Variants in CLUL1 observed in about 807,000 individuals in gnomAD.
CLUL1 encodes the protein clusterin-like protein 1.
A neutral mutation model predicts 49.4 loss-of-function variants in CLUL1; 43 were observed. The observed-to-expected ratio is 0.87, with a 90% CI of 0.68 to 1.12. The LOEUF (loss-of-function observed/expected upper bound fraction) is 1.12. Among genes scored for constraint, CLUL1 ranks in the 50% most tolerant of loss-of-function variants. The pLI is 0.00. For missense variants in CLUL1, 486 were observed against 544.4 expected (o/e 0.89, Z 1.07); for synonymous variants, 192 against 184.9 (o/e 1.04, Z -0.31).
intron 1 of CLUL1, among the ~76,000 whole-genome samples, chr18:605,593 G>T (rs929155777): frequency 2.0e-5 from 3 of 152,034 alleles, no homozygotes; most frequent in African/African-American, 4.8e-5. Flanking sequence ...AAAAGAAAAT[G>T]ATAAAGGATA....
At chr18:604,851 A>G (rs1311764743) in intron 1 of CLUL1, among the ~76,000 whole-genome samples, 1 of 152,200 alleles carries the variant, frequency 6.6e-6, no homozygotes, top group Non-Finnish European at 1.5e-5. Flanking sequence ...AAGGGCTTCT[A>G]TATAAAACCT....
chr18:649,135 A>G (rs954593826), intron 9 of CLUL1, among the ~76,000 whole-genome samples: 4 of 152,136 alleles, frequency 2.6e-5, no homozygotes, highest in Admixed American at 2.6e-4. Context: ...TTTTCTGATT[A>G]TATCAATGCA....
Position 619,171 on chromosome 18 carries a change from T to C in CLUL1, c.107-42T>C, listed in dbSNP as rs762857237. ...GGTTGGTGAACTTGGTGTTTTGTAATCTGATCAGATCTCAAAGAAAAAATT... is the reference window on the plus strand; with the variant it reads ...GGTTGGTGAACTTGGTGTTTTGTAACCTGATCAGATCTCAAAGAAAAAATT... On this transcript the variant is annotated intron_variant, in intron 3 of 9. Transcript: ENST00000692774. 6.3e-6 allele frequency: 10 copies of C among 1,591,064 alleles called. No homozygotes were observed. In the South Asian group the frequency reaches 1.1e-4, roughly 18 times the overall value.
chr18:635,080 G>A (rs1417588395), intron 7 of CLUL1, among the ~76,000 whole-genome samples: 1 of 152,166 alleles, frequency 6.6e-6, no homozygotes, highest in East Asian at 1.9e-4. Context: ...TTTGGGGCAA[G>A]TCATTTATGC....
intron 9 of CLUL1, among the ~76,000 whole-genome samples, chr18:646,744 T>TTTTC (rs1347150164): frequency 6.6e-6 from 1 of 151,516 alleles, no homozygotes; most frequent in South Asian, 2.1e-4. Context: ...TTCTTTCCTT[T>TTTTC]TTTCTTTCTT....
intron 9 of CLUL1, among the ~76,000 whole-genome samples, chr18:647,140 G>A (rs2074530637): frequency 6.6e-6 from 1 of 151,886 alleles, no homozygotes; most frequent in Non-Finnish European, 1.5e-5. Context: ...GGTTGGAGAG[G>A]AGACTGTTCC....
chr18:635,923 G>C (rs111493619), intron 7 of CLUL1, among the ~76,000 whole-genome samples: 16,561 of 152,066 alleles, frequency 0.11, 1,126 homozygotes, highest in African/African-American at 0.18. Flanking sequence ...TTTTAGTAGA[G>C]ATGGGGTTTC....
intron 9 of CLUL1, among the ~76,000 whole-genome samples, chr18:647,408 G>C (rs1243220934): frequency 6.6e-6 from 1 of 152,134 alleles, no homozygotes; most frequent in East Asian, 1.9e-4. Context: ...TAAAAGAAAT[G>C]GATGGATACC....
intron 7 of CLUL1, among the ~76,000 whole-genome samples, chr18:634,665 A>AT (rs1302695279): frequency 6.6e-6 from 1 of 152,046 alleles, no homozygotes; most frequent in South Asian, 2.1e-4. Flanking sequence ...CAAGTGAAAT[A>AT]TTTTTTTGAA....
intron 4 of CLUL1, among the ~76,000 whole-genome samples, chr18:620,000 G>A (rs554297863): frequency 5.3e-5 from 8 of 152,188 alleles, no homozygotes; most frequent in African/African-American, 1.7e-4. Context: ...ATGGACCACC[G>A]TGCCTGGCCC....
rs371155784 is a variant in CLUL1, at chr18:627,305, A to G, written c.632A>G (p.Gln211Arg). 28 of 1,613,978 alleles carry G rather than the reference A, an allele frequency of 1.7e-5. No homozygotes were observed. Among genetic ancestry groups the G allele is most frequent in the Non-Finnish European group, 2.4e-5 (28 of 1,180,010 alleles). Residue 211 changes from glutamine (Q) to arginine (R), a missense_variant, in exon 6 of 10, where the codon CAG becomes CGG. Physicochemically the swap from Gln to Arg is conservative, Grantham distance 43 (BLOSUM62 1). Coordinates refer to ENST00000692774, the MANE Select transcript of CLUL1 (RefSeq NM_001393344.1). ...AGACAGATGCAGCAAGAGTTTGACC[A>G]GACTTTTCAATCACATTTCATATCA... The part of the protein sequence containing the change: ...VFRQMQQEFD[Q>R]TFQSHFISDT...
chr18:627,655 A>T (rs2073849783), intron 6 of CLUL1, 126 bp downstream of exon 6: 3 of 660,688 alleles, frequency 4.5e-6, no homozygotes, highest in Non-Finnish European at 7.6e-6. Context: ...ATTTATGGAA[A>T]ATGTTTCAGA....
chr18:611,120 C>T (rs569736655), intron 2 of CLUL1, among the ~76,000 whole-genome samples: 1 of 152,214 alleles, frequency 6.6e-6, no homozygotes, highest in Admixed American at 6.5e-5. Flanking sequence ...CTCCCCTTCC[C>T]TCTGTGGCCC....
intron 2 of CLUL1, among the ~76,000 whole-genome samples, chr18:613,507 T>TG (rs1327936623): frequency 6.7e-6 from 1 of 148,792 alleles, no homozygotes; most frequent in African/African-American, 2.5e-5. Flanking sequence ...CAGGCTGGAG[T>TG]GCAGTGACGC....
intron 1 of CLUL1, among the ~76,000 whole-genome samples, chr18:605,522 G>A (rs2072946996): frequency 6.6e-6 from 1 of 152,088 alleles, no homozygotes; most frequent in East Asian, 1.9e-4. Context: ...CAGCTACTTG[G>A]GAAGTTAGGG....
intron 6 of CLUL1, among the ~76,000 whole-genome samples, chr18:629,746 T>G (rs1490900079): frequency 6.6e-6 from 1 of 152,234 alleles, no homozygotes; most frequent in Non-Finnish European, 1.5e-5. Flanking sequence ...TATTGTACTC[T>G]TCTTTCTCCA....
chr18:645,084 C>T lies in CLUL1; in HGVS notation c.1384C>T (p.His462Tyr). Residue 462 changes from histidine to tyrosine, a missense_variant, in exon 9 of 10, where the codon CAT becomes TAT. Coordinates refer to ENST00000692774, the MANE Select transcript of CLUL1 (RefSeq NM_001393344.1). ...AAAAGCTCTACAGCATTTTAAGGAA[C>T]ATTTTAAAACCTGGTAAGCAGAGTG... ...VAKALQHFKE[H>Y]FKTW 1.2e-6 allele frequency: 2 copies of T among 1,601,710 alleles called. No homozygotes were observed. Among genetic ancestry groups the T allele is most frequent in the Admixed American group, 1.7e-5 (1 of 57,954 alleles).
At chr18:625,218 C>T (rs1358135864) in intron 5 of CLUL1, among the ~76,000 whole-genome samples, 186 bp downstream of exon 5, 1 of 152,056 alleles carries the variant, frequency 6.6e-6, no homozygotes, top group Non-Finnish European at 1.5e-5. Flanking sequence ...TAAGGTAGAG[C>T]ACCCATTCAG....
intron 1 of CLUL1, among the ~76,000 whole-genome samples, chr18:601,147 T>G (rs1336257142): frequency 6.6e-5 from 10 of 152,230 alleles, no homozygotes. Context: ...GAGGTGATAT[T>G]GTTCAACTGA....
Sources: gnomAD v4.1 joint callset for allele counts (sites outside exome capture counted in the v4.1 genomes callset) on GRCh38, gnomAD v4.1.1 for gene constraint, MANE v1.5 for transcripts, NCBI Gene and HGNC (gene_info 2026-07-23, HGNC 2026-07-21) for gene names.